PPP2CA: variants seen among roughly 807,000 people sequenced by gnomAD.
The protein encoded by PPP2CA is protein phosphatase 2 catalytic subunit alpha.
PPP2CA carries 5 observed loss-of-function variants against 38.8 expected under a neutral mutation model. That is an observed-to-expected ratio of 0.13 (90% CI 0.07 to 0.27). The LOEUF (loss-of-function observed/expected upper bound fraction) is 0.27, where lower values mean the gene tolerates loss of function less well. Among genes scored for constraint, PPP2CA ranks in the 10% least tolerant of loss-of-function variants. The pLI is 1.00. For synonymous variants in PPP2CA, 152 were observed against 134.0 expected (o/e 1.13, Z -0.93); for missense variants, 88 against 389.7 (o/e 0.23, Z 6.52).
chr5:134,195,037 T>C lies in PPP2CA; in HGVS notation c.*2735A>G, dbSNP rs1483941862. The C allele has an allele frequency of 6.6e-6, 1 of 152,180 alleles. No individual in the cohort carries two copies. Among genetic ancestry groups the C allele is most frequent in the Non-Finnish European group, 1.5e-5 (1 of 68,038 alleles). 9.4% of individuals were successfully genotyped at this position (152,180 alleles called of 1,614,324 possible). A position where few individuals can be genotyped will look rare whatever the true frequency, so the allele number is the denominator to read the frequency against. Reference sequence around the variant, plus strand: ...CTGAGAACCACAGAAATAACTATCCTTTTCCTGAGCTAAGTCCTTCTTGAA... The same window carrying C: ...CTGAGAACCACAGAAATAACTATCCCTTTCCTGAGCTAAGTCCTTCTTGAA... On this transcript the variant is annotated 3_prime_UTR_variant, in exon 7 of 7. Transcript: ENST00000481195.
At chr5:134,225,167 G>A (rs780406192) in intron 1 of PPP2CA, among the ~76,000 whole-genome samples, 14 of 152,094 alleles carry the variant, frequency 9.2e-5, no homozygotes, top group Admixed American at 7.2e-4. Context: ...GTAAAAATTA[G>A]GTTAAGAGAA....
intron 2 of PPP2CA, among the ~76,000 whole-genome samples, chr5:134,204,407 T>C (rs762865643): frequency 3.9e-5 from 6 of 152,246 alleles, no homozygotes; most frequent in Non-Finnish European, 8.8e-5. Context: ...ACAATTGGCA[T>C]GTAATGCATG....
intron 5 of PPP2CA, 189 bp from the exon 6 acceptor site, chr5:134,199,393 A>G (rs1761924676): frequency 2.6e-6 from 1 of 386,528 alleles, no homozygotes. Flanking sequence ...GTACACATGT[A>G]TTTATTTTCC....
chr5:134,210,365 TTTTTACTCTGGCA>T (rs1561739238), intron 1 of PPP2CA, among the ~76,000 whole-genome samples: 1 of 152,144 alleles, frequency 6.6e-6, no homozygotes, highest in Non-Finnish European at 1.5e-5. Flanking sequence ...AATAACCACC[TTTTTACTCTGGCA>T]TTTTGACTTC....
At chr5:134,207,221 T>A (rs1038226610) in intron 1 of PPP2CA, among the ~76,000 whole-genome samples, 1 of 152,114 alleles carries the variant, frequency 6.6e-6, no homozygotes, top group Non-Finnish European at 1.5e-5. Flanking sequence ...CTGGCCATCA[T>A]GGCGAAACCC....
intron 1 of PPP2CA, among the ~76,000 whole-genome samples, chr5:134,223,681 A>G (rs879623048): frequency 6.6e-6 from 1 of 152,182 alleles, no homozygotes; most frequent in Non-Finnish European, 1.5e-5. Context: ...ACCCCACTCT[A>G]GCATCCAGTA....
At chr5:134,198,852 G>A (rs1005170191) in intron 6 of PPP2CA, among the ~76,000 whole-genome samples, 3 of 152,146 alleles carry the variant, frequency 2.0e-5, no homozygotes, top group Non-Finnish European at 2.9e-5. Flanking sequence ...ATGAGCCACC[G>A]CGCCTGGCCC....
At chr5:134,198,995 G>T in intron 6 of PPP2CA, 91 bp downstream of exon 6, 1 of 1,002,890 alleles carries the variant, frequency 1.0e-6, no homozygotes, top group Non-Finnish European at 1.6e-6. Context: ...ACAAGACTGG[G>T]CAATATAGTG....
rs527312281 is a variant in PPP2CA, at chr5:134,195,903, G to T, written c.*1869C>A. The T allele has an allele frequency of 1.3e-5, 2 of 152,138 alleles. No homozygotes were observed. The highest frequency in any genetic ancestry group is 4.8e-5 in the African/African-American group (2 of 41,416). 9.4% of individuals were successfully genotyped at this position (152,138 alleles called of 1,614,324 possible). On this transcript the variant is annotated 3_prime_UTR_variant, in exon 7 of 7. Coordinates refer to ENST00000481195, the MANE Select transcript of PPP2CA (RefSeq NM_002715.4). ...CCACCACGTGTCAATTACAATATAC[G>T]TATTCCTTGGTCAATTCTGATATCA...
chr5:134,219,567 G>T (rs1012269350), intron 1 of PPP2CA, among the ~76,000 whole-genome samples: 11 of 152,316 alleles, frequency 7.2e-5, no homozygotes, highest in Admixed American at 1.3e-4. Context: ...GCAACACAGG[G>T]TGCAAGAGGG....
intron 3 of PPP2CA, among the ~76,000 whole-genome samples, chr5:134,201,554 G>A (rs1264180564): frequency 6.6e-6 from 1 of 152,052 alleles, no homozygotes; most frequent in Non-Finnish European, 1.5e-5. Context: ...CCAATAATTA[G>A]CTCCTTACAT....
chr5:134,211,387 T>TC (rs1473623665), intron 1 of PPP2CA, among the ~76,000 whole-genome samples: 1 of 151,970 alleles, frequency 6.6e-6, no homozygotes, highest in Non-Finnish European at 1.5e-5. Context: ...ATACAGGCCA[T>TC]CATAACCACT....
intron 1 of PPP2CA, among the ~76,000 whole-genome samples, chr5:134,217,562 T>G (rs1391353268): frequency 6.6e-6 from 1 of 152,230 alleles, no homozygotes; most frequent in Non-Finnish European, 1.5e-5. Flanking sequence ...TGTCTCATAC[T>G]GTTTTTATGT....
rs1580656233 is a variant in PPP2CA at position 134,225,970 on chromosome 5, C to T, written c.-109G>A. ...CCGGTTCCTCGTGTACTTCTGGCGG[C>T]TGTTGAGGCTGGCGCTGGCCCGCTG... is the stretch of plus-strand genomic sequence containing the variant. On this transcript the variant is annotated 5_prime_UTR_variant, in exon 1 of 7. Coordinates refer to ENST00000481195, the MANE Select transcript of PPP2CA (RefSeq NM_002715.4). 3 of 1,023,288 alleles carry T rather than the reference C, an allele frequency of 2.9e-6. No individual in the cohort carries two copies. Among genetic ancestry groups the T allele is most frequent in the Non-Finnish European group, 4.3e-6 (3 of 700,792 alleles). 63.4% of individuals were successfully genotyped at this position (1,023,288 alleles called of 1,614,324 possible). A position where few individuals can be genotyped will look rare whatever the true frequency, so the allele number is the denominator to read the frequency against.
rs1761878034 is a variant in PPP2CA at position 134,197,446 on chromosome 5, G to A, written c.*326C>T. 1 of 263,342 alleles carries A rather than the reference G, an allele frequency of 3.8e-6. No homozygotes were observed. Among genetic ancestry groups the A allele is most frequent in the Non-Finnish European group, 7.4e-6 (1 of 135,482 alleles). 16.3% of individuals were successfully genotyped at this position (263,342 alleles called of 1,614,324 possible). A position where few individuals can be genotyped will look rare whatever the true frequency, so the allele number is the denominator to read the frequency against. On this transcript the variant is annotated 3_prime_UTR_variant, in exon 7 of 7. Transcript: ENST00000481195. Reference sequence around the variant, plus strand: ...GCTATAGCTAAATGGAAGTTAAATTGTATTCACGAGGTGTTAATGTTTACA... The same window carrying A: ...GCTATAGCTAAATGGAAGTTAAATTATATTCACGAGGTGTTAATGTTTACA...
intron 1 of PPP2CA, among the ~76,000 whole-genome samples, chr5:134,216,537 CAAAAA>C (rs748030385): frequency 3.4e-5 from 1 of 29,572 alleles, no homozygotes; most frequent in Non-Finnish European, 8.1e-5. Context: ...GAGACTGCCT[CAAAAA>C]AAAAAAAAAA....
rs181325751 is a variant in PPP2CA, at chr5:134,200,661, T to C, written c.577-165A>G. Among the ~76,000 whole-genome samples, 635 of 152,350 alleles carry C rather than the reference T, an allele frequency of 4.2e-3. 5 individuals are homozygous for C. The highest frequency in any genetic ancestry group is 6.8e-3 in the Middle Eastern group (2 of 294). On this transcript the variant is annotated intron_variant, in intron 4 of 6. Transcript: ENST00000481195. ...AGTCAAACATCTGCATCAAATAAGA[T>C]GTATTTTCCAGCAGACTTTATGAGA...
intron 2 of PPP2CA, among the ~76,000 whole-genome samples, chr5:134,204,953 G>A (rs1260424944): frequency 2.1e-5 from 1 of 46,642 alleles, no homozygotes; most frequent in African/African-American, 8.9e-5. Context: ...TTTTTTTTTT[G>A]AGACAGGGTC....
At position 134,213,046 on chromosome 5, in the gene PPP2CA, G is replaced by A. The variant is rs199547458; in HGVS notation, c.103-6915C>T. Among the ~76,000 whole-genome samples the A allele has an allele frequency of 1.1e-4, 16 of 152,298 alleles. No individual in the cohort carries two copies. In the East Asian group the frequency reaches 2.5e-3, roughly 24 times the overall value. On this transcript the variant is annotated intron_variant, in intron 1 of 6. Coordinates refer to ENST00000481195, the MANE Select transcript of PPP2CA (RefSeq NM_002715.4). ...AAAAACTACAACAAGTTTCCCAGAC[G>A]ATCTACCTAAGATAAGTGATGAAGG...
Sources: gnomAD v4.1 joint callset for allele counts (sites outside exome capture counted in the v4.1 genomes callset) on GRCh38, gnomAD v4.1.1 for gene constraint, MANE v1.5 for transcripts, NCBI Gene and HGNC (gene_info 2026-07-23, HGNC 2026-07-21) for gene names.